Variants in GAGE1 observed in about 807,000 individuals in gnomAD.
GAGE1 encodes the protein G antigen 1, also known as G antigen 4.
A neutral mutation model predicts 5.0 loss-of-function variants in GAGE1; 5 were observed. That is an observed-to-expected ratio of 1.00 (90% CI 0.52 to 2.11). The LOEUF (loss-of-function observed/expected upper bound fraction) is 2.11, where lower values mean the gene tolerates loss of function less well. GAGE1 is among the 30% of genes most tolerant of loss of function. The pLI is 0.01. For synonymous variants in GAGE1, 6 were observed against 14.8 expected (o/e 0.40, Z 1.37); for missense variants, 9 against 38.9 (o/e 0.23, Z 2.04).
rs2066665561 is a variant in GAGE1 at position 49,607,473 on chromosome X, A to C, written c.*1458A>C. The C allele has an allele frequency of 9.0e-6, 1 of 111,373 alleles. No homozygotes were observed. The highest frequency in any genetic ancestry group is 3.3e-5 in the African/African-American group (1 of 30,628). 9.2% of individuals were successfully genotyped at this position (111,373 alleles called of 1,213,427 possible). A position where few individuals can be genotyped will look rare whatever the true frequency, so the allele number is the denominator to read the frequency against. On this transcript the variant is annotated 3_prime_UTR_variant, in exon 5 of 5. Coordinates refer to ENST00000381700, the MANE Select transcript of GAGE1 (RefSeq NM_001040663.4). ...CTCTTTTTCCATTCACTGGAACTCA[A>C]GTCTCCTCAAGGCTGTGAGTAATGC... is the stretch of plus-strand genomic sequence containing the variant.
Position 49,607,171 on chromosome X carries a change from T to C in GAGE1, c.*1156T>C, listed in dbSNP as rs2066663949. ...GTTTTAGAGATGGTATTTTTTCATG[T>C]TGCCCAGGCTGGTTTTATACTCCTA... On this transcript the variant is annotated 3_prime_UTR_variant, in exon 5 of 5. Coordinates refer to ENST00000381700, the MANE Select transcript of GAGE1 (RefSeq NM_001040663.4). 1 of 110,984 alleles carries C rather than the reference T, an allele frequency of 9.0e-6. No homozygotes were observed. The highest frequency in any genetic ancestry group is 3.3e-5 in the African/African-American group (1 of 30,487). The allele number at this position is 110,984 out of a possible 1,213,427, so 9.1% of individuals were successfully genotyped here.
At position 49,606,455 on chromosome X, in the gene GAGE1, G is replaced by A. The variant is rs1431923071; in HGVS notation, c.*440G>A. 3 of 111,397 alleles carry A rather than the reference G, an allele frequency of 2.7e-5. No homozygotes were observed. Among genetic ancestry groups the A allele is most frequent in the African/African-American group, 9.8e-5 (3 of 30,658 alleles). 9.2% of individuals were successfully genotyped at this position (111,397 alleles called of 1,213,427 possible). A position where few individuals can be genotyped will look rare whatever the true frequency, so the allele number is the denominator to read the frequency against. ...TGAGCGCAAGTAATCCACTCTCCTT[G>A]GCCTTTCAAAGTGTTGGGATTACAG... On this transcript the variant is annotated 3_prime_UTR_variant, in exon 5 of 5. Transcript: ENST00000381700.
chrX:49,604,290 C>G (rs1157927003), intron 4 of GAGE1, among the ~76,000 whole-genome samples: 4 of 112,592 alleles, frequency 3.6e-5, no homozygotes, highest in African/African-American at 9.7e-5. Context: ...CAAGCTGAGT[C>G]AAAGGTATGT....
chrX:49,604,953 A>C, intron 4 of GAGE1: 1 of 639,021 alleles, frequency 1.6e-6, no homozygotes, highest in South Asian at 2.3e-5. Context: ...AACTACATGC[A>C]CAAGCCAACG....
At chrX:49,605,326 A>G (rs1210953521) in intron 4 of GAGE1, among the ~76,000 whole-genome samples, 10 of 112,440 alleles carry the variant, frequency 8.9e-5, no homozygotes, top group Non-Finnish European at 1.7e-4. Context: ...AATTGATAAG[A>G]TTTAAAGTTG....
chrX:49,605,642 T>C (rs1366895402), intron 4 of GAGE1, among the ~76,000 whole-genome samples: 2 of 111,854 alleles, frequency 1.8e-5, no homozygotes, highest in African/African-American at 3.2e-5. Context: ...CCGGGCGCTG[T>C]GGCTCACGCC....
At position 49,608,339 on chromosome X, in the gene GAGE1, C is replaced by A. The variant is rs1394842192; in HGVS notation, c.*2324C>A. On this transcript the variant is annotated 3_prime_UTR_variant, in exon 5 of 5. Transcript: ENST00000381700. The stretch of plus-strand genomic sequence containing the variant: ...CTTGAACCCAAGCTGGAGCCTTGAA[C>A]ATAAAGGTGTTTAAGTTGTTGCTCA... 1 of 111,882 alleles carries A rather than the reference C, an allele frequency of 8.9e-6. No homozygotes were observed. Among genetic ancestry groups the A allele is most frequent in the East Asian group, 2.8e-4 (1 of 3,570 alleles). The allele number at this position is 111,882 out of a possible 1,213,427, so 9.2% of individuals were successfully genotyped here.
intron 4 of GAGE1, among the ~76,000 whole-genome samples, chrX:49,604,489 C>T (rs2066639404): frequency 8.9e-6 from 1 of 112,104 alleles, no homozygotes. Context: ...CTGAGTGAGT[C>T]CTTTCACTTC....
intron 4 of GAGE1, among the ~76,000 whole-genome samples, chrX:49,605,385 C>G (rs782428096): frequency 8.0e-5 from 9 of 112,302 alleles, no homozygotes; most frequent in Non-Finnish European, 1.7e-4. Flanking sequence ...AAGTATATTT[C>G]ACACATGTGT....
At chrX:49,605,601 T>C (rs1461419335) in intron 4 of GAGE1, among the ~76,000 whole-genome samples, 2 of 111,952 alleles carry the variant, frequency 1.8e-5, no homozygotes, top group Admixed American at 1.9e-4. Context: ...TTTGTATGCC[T>C]TTAGGGCCAT....
chrX:49,604,220 G>A (rs782394633), intron 4 of GAGE1, among the ~76,000 whole-genome samples: 1 of 112,477 alleles, frequency 8.9e-6, no homozygotes, highest in Non-Finnish European at 1.9e-5. Flanking sequence ...CTTATATAAA[G>A]GTTATTTGAA....
chrX:49,605,977 T>C lies in GAGE1; in HGVS notation c.332-16T>C. On this transcript the variant is annotated splice_polypyrimidine_tract_variant and intron_variant, in intron 4 of 4. Coordinates refer to ENST00000381700, the MANE Select transcript of GAGE1 (RefSeq NM_001040663.4). ...TGTTGCTCTGTAATGTTCCCAACTG[T>C]TTTGTTTTGTTTCAGGTGAAGGGCA... The C allele has an allele frequency of 9.6e-7, 1 of 1,041,545 alleles. No individual in the cohort carries two copies. Among genetic ancestry groups the C allele is most frequent in the Non-Finnish European group, 1.3e-6 (1 of 796,411 alleles). The allele number at this position is 1,041,545 out of a possible 1,213,427, so 85.8% of individuals were successfully genotyped here.
In GAGE1 at chrX:49,606,043, T is replaced by C. The variant is rs1557132196; in HGVS notation, c.*28T>C. 3.9e-6 allele frequency: 4 copies of C among 1,022,971 alleles called. No homozygotes were observed. Among genetic ancestry groups the C allele is most frequent in the South Asian group, 3.4e-5 (1 of 29,439 alleles). The allele number at this position is 1,022,971 out of a possible 1,213,427, so 84.3% of individuals were successfully genotyped here. A position where few individuals can be genotyped will look rare whatever the true frequency, so the allele number is the denominator to read the frequency against. On this transcript the variant is annotated 3_prime_UTR_variant, in exon 5 of 5. Transcript: ENST00000381700. ...GAAGACATGCTGAAATGTTGCAGGC[T>C]GCTCCTATGTTGGAAAATTCTTCAT... is the stretch of plus-strand genomic sequence containing the variant.
intron 4 of GAGE1, among the ~76,000 whole-genome samples, chrX:49,604,181 T>G (rs868992430): frequency 8.9e-6 from 1 of 112,629 alleles, no homozygotes; most frequent in African/African-American, 3.2e-5. Context: ...AAGAGAGAGT[T>G]AACAATACTG....
chrX:49,605,125 C>T (rs782385313), intron 4 of GAGE1: 8 of 1,006,268 alleles, frequency 8.0e-6, no homozygotes, highest in Non-Finnish European at 3.9e-6. Context: ...CGTTTAGTTC[C>T]TATCATCTGT....
chrX:49,602,561 C>G (rs2066617148), intron 3 of GAGE1, among the ~76,000 whole-genome samples: 1 of 68,173 alleles, frequency 1.5e-5, no homozygotes, highest in Non-Finnish European at 3.8e-5. Flanking sequence ...CCCACACACT[C>G]ACACACACAC....
intron 4 of GAGE1, among the ~76,000 whole-genome samples, chrX:49,605,293 T>G (rs782291902): frequency 8.9e-6 from 1 of 112,202 alleles, no homozygotes; most frequent in African/African-American, 3.2e-5. Context: ...ATGTTACATG[T>G]AAATTTCAGC....
Position 49,605,259 on chromosome X carries a change from T to A in GAGE1, c.332-734T>A, listed in dbSNP as rs1249591802. 4 of 613,549 alleles carry A rather than the reference T, an allele frequency of 6.5e-6. No homozygotes were observed. In the African/African-American group the frequency reaches 9.1e-5, roughly 14 times the overall value. 50.6% of individuals were successfully genotyped at this position (613,549 alleles called of 1,213,427 possible). ...AATAAGACTGTAGACACACATATGA[T>A]ATAATCATCTCTAATCATATCAAAT... On this transcript the variant is annotated intron_variant, in intron 4 of 4. Transcript: ENST00000381700.
At chrX:49,603,979 C>T (rs1284015474) in intron 4 of GAGE1, among the ~76,000 whole-genome samples, 186 bp downstream of exon 4, 2 of 113,053 alleles carry the variant, frequency 1.8e-5, no homozygotes, top group Admixed American at 9.3e-5. Flanking sequence ...GAGCCTCTGG[C>T]GGAGCCGGGG....
Sources: gnomAD v4.1 joint callset for allele counts (sites outside exome capture counted in the v4.1 genomes callset) on GRCh38, gnomAD v4.1.1 for gene constraint, MANE v1.5 for transcripts, NCBI Gene and HGNC (gene_info 2026-07-23, HGNC 2026-07-21) for gene names.